GOLPH3L: variants seen among roughly 807,000 people sequenced by gnomAD.
The protein encoded by GOLPH3L is Golgi phosphoprotein 3-like.
GOLPH3L carries 22 observed loss-of-function variants against 30.3 expected under a neutral mutation model. The ratio of observed to expected loss-of-function variants is 0.73; its 90% CI spans 0.52 to 1.04. The LOEUF (loss-of-function observed/expected upper bound fraction) is 1.04. Ranked by LOEUF, GOLPH3L falls within the 50% of genes least tolerant of loss-of-function variation. The pLI is 0.00. For synonymous variants in GOLPH3L, 120 were observed against 128.2 expected (o/e 0.94, Z 0.43); for missense variants, 303 against 345.8 (o/e 0.88, Z 0.98).
At chr1:150,686,681 A>T (rs1651093435) in intron 2 of GOLPH3L, among the ~76,000 whole-genome samples, 1 of 152,258 alleles carries the variant, frequency 6.6e-6, no homozygotes, top group Non-Finnish European at 1.5e-5. Context: ...AATGGCTGAC[A>T]GCAAGTTTAT....
At chr1:150,659,201 G>A (rs1313907564) in intron 4 of GOLPH3L, among the ~76,000 whole-genome samples, 2 of 152,190 alleles carry the variant, frequency 1.3e-5, no homozygotes, top group Non-Finnish European at 1.5e-5. Context: ...TGCTTTTATT[G>A]CTTTGTAAAA....
At chr1:150,678,224 G>A (rs1370918825) in intron 2 of GOLPH3L, among the ~76,000 whole-genome samples, 7 of 146,970 alleles carry the variant, frequency 4.8e-5, no homozygotes, top group Non-Finnish European at 1.0e-4. Flanking sequence ...ACTTGAACCC[G>A]GGAGGCGGAG....
chr1:150,664,999 G>A (rs1034423420), intron 2 of GOLPH3L, among the ~76,000 whole-genome samples: 19 of 152,022 alleles, frequency 1.2e-4, no homozygotes, highest in African/African-American at 2.9e-4. Context: ...GGGAATATAC[G>A]TATAAGAGAG....
chr1:150,659,578 A>T (rs1192021663), intron 4 of GOLPH3L, among the ~76,000 whole-genome samples: 1 of 152,020 alleles, frequency 6.6e-6, no homozygotes, highest in Non-Finnish European at 1.5e-5. Flanking sequence ...TATGTGGGTA[A>T]ATCTCTGTTC....
chr1:150,680,451 C>CT (rs1248843175), intron 2 of GOLPH3L, among the ~76,000 whole-genome samples: 1 of 151,926 alleles, frequency 6.6e-6, no homozygotes. Flanking sequence ...ATCGTATTTA[C>CT]TTTTTTTTCA....
At chr1:150,678,437 A>C (rs1650871253) in intron 2 of GOLPH3L, among the ~76,000 whole-genome samples, 1 of 152,050 alleles carries the variant, frequency 6.6e-6, no homozygotes, top group Admixed American at 6.6e-5. Context: ...GAAAGATACA[A>C]GTTAATATCC....
chr1:150,694,521 C>T, intron 2 of GOLPH3L, 135 bp downstream of exon 2: 1 of 559,862 alleles, frequency 1.8e-6, no homozygotes, highest in Admixed American at 3.6e-5. Context: ...ACTGTCCCAA[C>T]TCCTCCATCT....
chr1:150,671,436 T>C (rs1650641445), intron 2 of GOLPH3L, among the ~76,000 whole-genome samples: 1 of 152,126 alleles, frequency 6.6e-6, no homozygotes, highest in Admixed American at 6.6e-5. Flanking sequence ...CCCTTCCTTA[T>C]TCAAACTTCC....
intron 1 of GOLPH3L, among the ~76,000 whole-genome samples, chr1:150,695,484 C>T (rs1314525661): frequency 6.6e-6 from 1 of 151,882 alleles, no homozygotes; most frequent in African/African-American, 2.4e-5. Context: ...GAGTGAATAT[C>T]CACCATTGTC....
chr1:150,688,544 G>A (rs927093123), intron 2 of GOLPH3L, among the ~76,000 whole-genome samples: 1 of 152,124 alleles, frequency 6.6e-6, no homozygotes, highest in African/African-American at 2.4e-5. Context: ...CTGAGGTCAG[G>A]AATTCAAGAC....
intron 2 of GOLPH3L, among the ~76,000 whole-genome samples, chr1:150,689,815 T>G (rs996515954): frequency 6.6e-6 from 1 of 151,890 alleles, no homozygotes; most frequent in Non-Finnish European, 1.5e-5. Flanking sequence ...TTTTTTTTCC[T>G]TTAGTAGAGA....
intron 2 of GOLPH3L, among the ~76,000 whole-genome samples, chr1:150,690,042 A>G (rs1029781310): frequency 6.6e-6 from 1 of 152,036 alleles, no homozygotes; most frequent in Non-Finnish European, 1.5e-5. Context: ...GTTGGAGTAC[A>G]GTGGCACAAA....
At chr1:150,687,758 G>A (rs765162753) in intron 2 of GOLPH3L, among the ~76,000 whole-genome samples, 12 of 152,122 alleles carry the variant, frequency 7.9e-5, no homozygotes, top group South Asian at 6.2e-4. Context: ...AATTTCATAC[G>A]TATAATTCCC....
chr1:150,652,888 G>T (rs1650156980), intron 4 of GOLPH3L, among the ~76,000 whole-genome samples: 1 of 151,972 alleles, frequency 6.6e-6, no homozygotes, highest in South Asian at 2.1e-4. Flanking sequence ...TGGTAAATAA[G>T]GAGGTTAATA....
intron 3 of GOLPH3L, among the ~76,000 whole-genome samples, chr1:150,662,188 T>G (rs1382952073): frequency 6.6e-6 from 1 of 151,892 alleles, no homozygotes; most frequent in African/African-American, 2.4e-5. Context: ...TCATTTTGAG[T>G]CTGGAAACCA....
At chr1:150,654,332 C>T (rs1650192034) in intron 4 of GOLPH3L, among the ~76,000 whole-genome samples, 1 of 151,188 alleles carries the variant, frequency 6.6e-6, no homozygotes, top group Non-Finnish European at 1.5e-5. Flanking sequence ...TATAGGGAAA[C>T]CCTATCTCTA....
chr1:150,648,126 T>G lies in GOLPH3L; in HGVS notation c.*195A>C. ...AGTTTATTTACCTATGGAGTGGAAG[T>G]GTAGGGAGAAATAAGGTCTGCTTAT... On this transcript the variant is annotated 3_prime_UTR_variant, in exon 5 of 5. Transcript: ENST00000271732. 2.0e-6 allele frequency: 1 copy of G among 504,424 alleles called. No homozygotes were observed. The highest frequency in any genetic ancestry group is 3.0e-5 in the East Asian group (1 of 33,622). 31.2% of individuals were successfully genotyped at this position (504,424 alleles called of 1,614,324 possible). A position where few individuals can be genotyped will look rare whatever the true frequency, so the allele number is the denominator to read the frequency against.
At chr1:150,673,813 T>C (rs1192639610) in intron 2 of GOLPH3L, among the ~76,000 whole-genome samples, 2 of 149,792 alleles carry the variant, frequency 1.3e-5, no homozygotes, top group Non-Finnish European at 3.0e-5. Flanking sequence ...GGGTCCCAGC[T>C]ACTTGGGAGG....
intron 2 of GOLPH3L, among the ~76,000 whole-genome samples, chr1:150,679,314 GCA>G (rs1427058197): frequency 6.6e-6 from 1 of 152,074 alleles, no homozygotes; most frequent in African/African-American, 2.4e-5. Flanking sequence ...AGAAATCACA[GCA>G]CAGTTTTCTC....
Sources: gnomAD v4.1 joint callset for allele counts (sites outside exome capture counted in the v4.1 genomes callset) on GRCh38, gnomAD v4.1.1 for gene constraint, MANE v1.5 for transcripts, NCBI Gene and HGNC (gene_info 2026-07-23, HGNC 2026-07-21) for gene names.